The following KIAA1217 variants were observed in gnomAD, a reference collection of about 807,000 sequenced individuals.
KIAA1217 encodes KIAA1217.
KIAA1217 carries 88 observed loss-of-function variants against 163.9 expected under a neutral mutation model. That is an observed-to-expected ratio of 0.54 (90% confidence interval 0.45 to 0.64). KIAA1217 has a LOEUF of 0.64. KIAA1217 is among the 30% of genes least tolerant of loss of function. The pLI is 0.00. For synonymous variants in KIAA1217, 903 were observed against 923.1 expected (o/e 0.98, Z 0.39); for missense variants, 2,372 against 2,475.0 (o/e 0.96, Z 0.88).
At chr10:24,370,126 G>A (rs922281906) in intron 2 of KIAA1217, among the ~76,000 whole-genome samples, 3 of 152,174 alleles carry the variant, frequency 2.0e-5, no homozygotes, top group African/African-American at 4.8e-5. Flanking sequence ...TTAGCCAGGC[G>A]TGATGGCGGG....
In KIAA1217 at chr10:23,846,643, A is replaced by G. The variant is rs557269116; in HGVS notation, c.-321+151409A>G. 2.0e-5 allele frequency among the ~76,000 whole-genome samples: 3 copies of G among 152,284 alleles called. No individual in the cohort carries two copies. The East Asian group carries it at 5.8e-4, about 29-fold the overall frequency. ...TTTAAGGAGATTTTGGGCTAAGACAATGGGGTTTTCTAAATATATATTCAT... is the reference window on the plus strand; with the variant it reads ...TTTAAGGAGATTTTGGGCTAAGACAGTGGGGTTTTCTAAATATATATTCAT... On this transcript the variant is annotated intron_variant, in intron 1 of 18. Coordinates refer to the KIAA1217 transcript ENST00000376462.
chr10:23,750,968 C>G (rs1839702027), intron 1 of KIAA1217, among the ~76,000 whole-genome samples: 1 of 151,128 alleles, frequency 6.6e-6, no homozygotes, highest in South Asian at 2.1e-4. Context: ...CCTCCCCTCC[C>G]TTCCCTTTCT....
intron 1 of KIAA1217, among the ~76,000 whole-genome samples, chr10:23,934,559 A>ATATATATATATATATATATG (rs1843399248): frequency 1.2e-4 from 1 of 8,106 alleles, no homozygotes; most frequent in Admixed American, 1.1e-3. Context: ...TCTTTAAAGT[A>ATATATATATATATATATATG]TATATATATA....
intron 5 of KIAA1217, among the ~76,000 whole-genome samples, chr10:24,447,308 T>C (rs897253074): frequency 7.2e-5 from 11 of 152,128 alleles, no homozygotes; most frequent in African/African-American, 2.7e-4. Flanking sequence ...TATATATGTA[T>C]ACATGTGCCA....
chr10:23,996,211 C>A (rs1214818548), intron 1 of KIAA1217, among the ~76,000 whole-genome samples: 1 of 152,118 alleles, frequency 6.6e-6, no homozygotes. Flanking sequence ...GCAGTCATTT[C>A]AAAGATATTC....
Position 24,367,958 on chromosome 10 carries a change from T to C in KIAA1217, c.355-12911T>C, listed in dbSNP as rs11014060. ...ACAAAAGTGACCTCCTTCCCATTGG[T>C]CAGTCTTCAGTGACCATGCTTATCT... On this transcript the variant is annotated intron_variant, in intron 2 of 20. Coordinates refer to ENST00000376454, the MANE Select transcript of KIAA1217 (RefSeq NM_019590.5). Among the ~76,000 whole-genome samples, 89 of 152,326 alleles carry C rather than the reference T, an allele frequency of 5.8e-4. 1 individual carries two copies. In the East Asian group the frequency reaches 0.015, roughly 26 times the overall value.
At chr10:23,789,552 A>G (rs1835644565) in intron 1 of KIAA1217, among the ~76,000 whole-genome samples, 4 of 152,120 alleles carry the variant, frequency 2.6e-5, no homozygotes, top group Admixed American at 6.5e-5. Context: ...CAGGGTATTA[A>G]TGAGGATTAA....
At chr10:24,071,865 G>A (rs2061199530) in intron 2 of KIAA1217, among the ~76,000 whole-genome samples, 2 of 151,978 alleles carry the variant, frequency 1.3e-5, no homozygotes, top group Non-Finnish European at 2.9e-5. Context: ...GTAGAGAGGT[G>A]AAAAATATTT....
At chr10:24,475,409 T>C (rs557905074) in intron 6 of KIAA1217, among the ~76,000 whole-genome samples, 9 of 152,290 alleles carry the variant, frequency 5.9e-5, no homozygotes, top group Admixed American at 5.9e-4. Flanking sequence ...AGCCCTGAAG[T>C]CCTCTTTAGC....
intron 1 of KIAA1217, among the ~76,000 whole-genome samples, chr10:23,951,481 C>G (rs578004588): frequency 4.6e-4 from 70 of 152,222 alleles, no homozygotes; most frequent in African/African-American, 1.7e-3. Context: ...TGGCAAAACG[C>G]TTTCTCTATA....
At chr10:24,355,538 G>A (rs2048976398) in intron 2 of KIAA1217, among the ~76,000 whole-genome samples, 1 of 151,752 alleles carries the variant, frequency 6.6e-6, no homozygotes, top group African/African-American at 2.4e-5. Flanking sequence ...CTCTACTCTT[G>A]TGACCAAATC....
chr10:23,765,775 C>G (rs1834489458), intron 1 of KIAA1217, among the ~76,000 whole-genome samples: 1 of 152,124 alleles, frequency 6.6e-6, no homozygotes, highest in Non-Finnish European at 1.5e-5. Context: ...TGTAGGTTTC[C>G]TGAGGCTTCC....
intron 1 of KIAA1217, among the ~76,000 whole-genome samples, chr10:23,918,118 T>A (rs1444040197): frequency 2.6e-5 from 4 of 151,278 alleles, no homozygotes; most frequent in African/African-American, 4.9e-5. Flanking sequence ...GCTCAATTGA[T>A]CCTCCCATGT....
upstream of KIAA1217, among the ~76,000 whole-genome samples, chr10:24,204,969 C>T (rs925274989): frequency 2.6e-5 from 4 of 152,158 alleles, no homozygotes; most frequent in African/African-American, 9.7e-5. Flanking sequence ...AATTGACTCT[C>T]ACAGTTATGA....
intron 1 of KIAA1217, among the ~76,000 whole-genome samples, chr10:23,977,938 T>C (rs1483719237): frequency 6.6e-6 from 1 of 152,188 alleles, no homozygotes; most frequent in Non-Finnish European, 1.5e-5. Flanking sequence ...AGGCTACTCC[T>C]TAAGAACAAC....
intron 6 of KIAA1217, among the ~76,000 whole-genome samples, chr10:24,493,134 C>A (rs1338519754): frequency 6.6e-6 from 1 of 152,206 alleles, no homozygotes; most frequent in Non-Finnish European, 1.5e-5. Context: ...GCAGGAGCCA[C>A]CGTGCCCGGC....
intron 1 of KIAA1217, among the ~76,000 whole-genome samples, chr10:23,837,860 G>T (rs921142912): frequency 6.6e-6 from 1 of 152,018 alleles, no homozygotes; most frequent in East Asian, 1.9e-4. Context: ...TAATGTACTG[G>T]TTCTTTAACC....
In KIAA1217 at chr10:24,473,600, G is replaced by A; in HGVS notation, c.1219G>A (p.Ala407Thr). Residue 407 changes from alanine to threonine, a missense_variant, in exon 6 of 21, where the codon GCC becomes ACC. Physicochemically the swap from Ala to Thr is moderately conservative, Grantham distance 58. This residue lies in a region of KIAA1217 where 1,431 missense variants were observed against 1,470.3 expected (regional missense o/e 0.97). Coordinates refer to ENST00000376454, the MANE Select transcript of KIAA1217 (RefSeq NM_019590.5). ...TTATCACGAGGGACGGATGAGCATA[G>A]CCTCATCCCATGGTGGACACCCACT... Reference protein sequence around the residue: ...YLYHEGRMSIASSHGGHPLDV... With the variant: ...YLYHEGRMSITSSHGGHPLDV... 1.9e-6 allele frequency: 3 copies of A among 1,613,960 alleles called. 1 individual carries two copies. Among genetic ancestry groups the A allele is most frequent in the South Asian group, 2.2e-5 (2 of 91,074 alleles).
At chr10:24,540,613 G>A (rs1292708897) in intron 17 of KIAA1217, among the ~76,000 whole-genome samples, 1 of 152,148 alleles carries the variant, frequency 6.6e-6, no homozygotes, top group African/African-American at 2.4e-5. Context: ...TAGACCCCCA[G>A]AACATCTGCC....
Sources: gnomAD v4.1 joint callset for allele counts (sites outside exome capture counted in the v4.1 genomes callset) on GRCh38, gnomAD v4.1.1 for gene constraint, gnomAD v4.1.1 regional missense constraint, MANE v1.5 for transcripts, NCBI Gene and HGNC (gene_info 2026-07-23, HGNC 2026-07-21) for gene names.